Variants in CPNE4 observed in about 807,000 individuals in gnomAD.
CPNE4 encodes the protein copine 4, also known as copine-4.
A neutral mutation model predicts 67.9 loss-of-function variants in CPNE4; 25 were observed. That is an observed-to-expected ratio of 0.37 (90% CI 0.27 to 0.51). CPNE4 has a LOEUF of 0.51. CPNE4 is among the 20% of genes least tolerant of loss of function. CPNE4 has a pLI of 0.93. For synonymous variants in CPNE4, 242 were observed against 244.9 expected, an observed-to-expected ratio of 0.99 and a Z score of 0.11; for missense variants, 464 against 690.8, an observed-to-expected ratio of 0.67 and a Z score of 3.68.
intron 12 of CPNE4, among the ~76,000 whole-genome samples, chr3:131,554,565 A>G (rs939898436): frequency 6.6e-6 from 1 of 152,074 alleles, no homozygotes; most frequent in Non-Finnish European, 1.5e-5. Context: ...TCAGGGAGAC[A>G]AGCGATTCCA....
chr3:131,694,152 A>G (rs1268633780), intron 5 of CPNE4, among the ~76,000 whole-genome samples: 2 of 152,186 alleles, frequency 1.3e-5, no homozygotes, highest in Non-Finnish European at 2.9e-5. Flanking sequence ...TCAATTTTTA[A>G]GTGTATGTAG....
chr3:131,997,489 C>A (rs1023270621), intron 1 of CPNE4, among the ~76,000 whole-genome samples: 1 of 152,070 alleles, frequency 6.6e-6, no homozygotes, highest in African/African-American at 2.4e-5. Flanking sequence ...TGATCAAGCC[C>A]ATAAATTTCT....
Position 131,697,218 on chromosome 3 carries a change from T to A in CPNE4, c.433-602A>T, listed in dbSNP as rs2081175419. On this transcript the variant is annotated intron_variant, in intron 4 of 15. Coordinates refer to ENST00000429747, the MANE Select transcript of CPNE4 (RefSeq NM_130808.3). ...GTCCAAAAGACTTTCTCATAATAGGTCATTTTCCAATACTTAATAGTTAGT... is the reference window on the plus strand; with the variant it reads ...GTCCAAAAGACTTTCTCATAATAGGACATTTTCCAATACTTAATAGTTAGT... Among the ~76,000 whole-genome samples the A allele has an allele frequency of 2.0e-5, 3 of 152,306 alleles. No homozygotes were observed. The South Asian group carries it at 6.2e-4, about 32-fold the overall frequency.
intron 2 of CPNE4, among the ~76,000 whole-genome samples, chr3:131,874,384 G>A (rs1355620872): frequency 6.6e-6 from 1 of 152,140 alleles, no homozygotes. Context: ...CACCGCGCCT[G>A]GCCTCAGTTG....
chr3:132,008,747 C>A (rs2073669608), intron 1 of CPNE4, among the ~76,000 whole-genome samples: 1 of 151,978 alleles, frequency 6.6e-6, no homozygotes, highest in East Asian at 1.9e-4. Context: ...GCTCCAAAAA[C>A]TTATGTTTTT....
chr3:131,680,136 T>C (rs1287533467), intron 6 of CPNE4, among the ~76,000 whole-genome samples: 2 of 152,334 alleles, frequency 1.3e-5, no homozygotes, highest in Middle Eastern at 3.4e-3. Context: ...ATATTTAGGA[T>C]AGTTAGCTCT....
intron 2 of CPNE4, among the ~76,000 whole-genome samples, chr3:131,801,415 C>T (rs71315622): frequency 0.28 from 18,188 of 65,688 alleles, 2,795 homozygotes; most frequent in East Asian, 0.43. Flanking sequence ...TACATATATA[C>T]GTGTGTGTGT....
intron 7 of CPNE4, among the ~76,000 whole-genome samples, chr3:131,602,168 G>A (rs915868165): frequency 1.3e-5 from 2 of 152,086 alleles, no homozygotes; most frequent in African/African-American, 4.8e-5. Flanking sequence ...GTGGTCTCTG[G>A]ACATATTCAG....
At chr3:131,881,558 A>G (rs912574744) in intron 2 of CPNE4, among the ~76,000 whole-genome samples, 12 of 152,036 alleles carry the variant, frequency 7.9e-5, no homozygotes, top group African/African-American at 2.4e-4. Flanking sequence ...ATTCTCTAAT[A>G]TTATTATTCA....
chr3:131,919,830 A>T (rs1489544844), intron 1 of CPNE4, among the ~76,000 whole-genome samples: 1 of 152,226 alleles, frequency 6.6e-6, no homozygotes, highest in East Asian at 1.9e-4. Flanking sequence ...ATACTTATAA[A>T]GAAAACTATA....
chr3:131,790,255 T>C (rs533026936), intron 2 of CPNE4, among the ~76,000 whole-genome samples: 1 of 152,302 alleles, frequency 6.6e-6, no homozygotes, highest in South Asian at 2.1e-4. Flanking sequence ...AAGACTATGC[T>C]AACTCCTGTG....
intron 2 of CPNE4, among the ~76,000 whole-genome samples, chr3:131,748,604 T>A (rs1477631534): frequency 6.6e-6 from 1 of 152,072 alleles, no homozygotes; most frequent in Admixed American, 6.6e-5. Flanking sequence ...TAAATTTCCT[T>A]AATTGTTATA....
chr3:131,699,520 C>T (rs2081242022), intron 4 of CPNE4, among the ~76,000 whole-genome samples: 1 of 152,090 alleles, frequency 6.6e-6, no homozygotes, highest in African/African-American at 2.4e-5. Context: ...AATTTTAATT[C>T]TCAAAATAAA....
chr3:131,726,919 T>C lies in CPNE4; in HGVS notation c.181-3294A>G, dbSNP rs551241054. ...TCTTGTGTGAGGTCAAGTTTTATTT[T>C]AATCTTGCTTACCCTCTGTTATCCA... On this transcript the variant is annotated intron_variant, in intron 2 of 15. Coordinates refer to ENST00000429747, the MANE Select transcript of CPNE4 (RefSeq NM_130808.3). Among the ~76,000 whole-genome samples the C allele has an allele frequency of 1.3e-3, 193 of 152,336 alleles. 2 individuals carry two copies. The highest frequency in any genetic ancestry group is 4.0e-3 in the Admixed American group (61 of 15,298).
At chr3:131,669,633 C>CT (rs1560084915) in intron 7 of CPNE4, 42 bp downstream of exon 7, 10 of 1,500,848 alleles carry the variant, frequency 6.7e-6, no homozygotes, top group South Asian at 2.3e-5. Context: ...AGATTAAATA[C>CT]TTTTTTTAAA....
At position 131,587,492 on chromosome 3, in the gene CPNE4, C is replaced by T. The variant is rs192219359; in HGVS notation, c.772G>A (p.Gly258Arg). ...TFKEMRGAME[G>R]KQVQWECINP... Reference sequence around the variant, plus strand: ...AGTGGTTGACCATGTACCTGTTTCCCTTCCATTGCTCCTCTCATCTCCTTG... The same window carrying T: ...AGTGGTTGACCATGTACCTGTTTCCTTTCCATTGCTCCTCTCATCTCCTTG... Residue 258 changes from glycine to arginine, a missense_variant, in exon 8 of 16, where the codon GGG becomes AGG. Gly to Arg is a moderately radical substitution (Grantham distance 125, BLOSUM62 -2). Transcript: ENST00000429747. The T allele has an allele frequency of 5.9e-5, 95 of 1,613,462 alleles. No homozygotes were observed. Among genetic ancestry groups the T allele is most frequent in the Non-Finnish European group, 7.8e-5 (92 of 1,179,450 alleles).
chr3:131,652,259 C>T (rs1252030748), intron 7 of CPNE4, among the ~76,000 whole-genome samples: 1 of 152,198 alleles, frequency 6.6e-6, no homozygotes, highest in Non-Finnish European at 1.5e-5. Context: ...CAGCAGCCTT[C>T]TCTATCAGTT....
chr3:131,757,409 A>AC (rs1199819023), intron 2 of CPNE4, among the ~76,000 whole-genome samples: 13 of 152,190 alleles, frequency 8.5e-5, no homozygotes, highest in Non-Finnish European at 1.5e-4. Flanking sequence ...TGCCCCTGCC[A>AC]TAGAGATTTG....
chr3:131,935,666 A>T (rs1018315738), intron 1 of CPNE4, among the ~76,000 whole-genome samples: 31 of 152,118 alleles, frequency 2.0e-4, no homozygotes, highest in African/African-American at 7.2e-4. Context: ...TGACCAGAAG[A>T]TTCAGGGAGA....
Sources: allele counts gnomAD v4.1 joint callset (sites outside exome capture counted in the v4.1 genomes callset), GRCh38; gene constraint gnomAD v4.1.1; transcripts MANE v1.5; gene names NCBI Gene and HGNC (gene_info 2026-07-23, HGNC 2026-07-21).